The following HS3ST4 variants were observed in gnomAD, a reference collection of about 807,000 sequenced individuals.
The protein encoded by HS3ST4 is heparan sulfate glucosamine 3-O-sulfotransferase 4.
A neutral mutation model predicts 29.2 loss-of-function variants in HS3ST4; 17 were observed. The ratio of observed to expected loss-of-function variants is 0.58; its 90% confidence interval spans 0.40 to 0.87. HS3ST4 has a LOEUF of 0.87. Among genes scored for constraint, HS3ST4 ranks in the 40% least tolerant of loss-of-function variants. HS3ST4 has a pLI of 0.00. For missense variants in HS3ST4, 627 were observed against 634.5 expected (o/e 0.99, Z 0.13); for synonymous variants, 314 against 285.7 (o/e 1.10, Z -1.00).
intron 1 of HS3ST4, among the ~76,000 whole-genome samples, chr16:25,766,945 C>G (rs1313649479): frequency 6.6e-6 from 1 of 152,100 alleles, no homozygotes; most frequent in East Asian, 1.9e-4. Context: ...CCTCCCACTT[C>G]CAAATCCTGC....
intron 1 of HS3ST4, among the ~76,000 whole-genome samples, chr16:25,902,416 A>C: frequency 6.6e-6 from 1 of 152,190 alleles, no homozygotes; most frequent in African/African-American, 2.4e-5. Context: ...GGATTGCTCA[A>C]GGCTGAAGCT....
At chr16:25,864,107 C>G (rs1271756818) in intron 1 of HS3ST4, among the ~76,000 whole-genome samples, 1 of 152,222 alleles carries the variant, frequency 6.6e-6, no homozygotes, top group East Asian at 1.9e-4. Flanking sequence ...AGGGACACCA[C>G]TCAGGCTGGG....
At chr16:25,741,390 A>AAAAAAAAAAAT (rs1596557792) in intron 1 of HS3ST4, among the ~76,000 whole-genome samples, 2 of 144,022 alleles carry the variant, frequency 1.4e-5, no homozygotes, top group South Asian at 2.3e-4. Flanking sequence ...AAAAAAAAAA[A>AAAAAAAAAAAT]GGCGGGGGGA....
intron 1 of HS3ST4, among the ~76,000 whole-genome samples, chr16:26,049,464 G>A (rs923133763): frequency 3.6e-5 from 5 of 137,744 alleles, no homozygotes; most frequent in East Asian, 2.2e-4. Context: ...TGGGGAATGC[G>A]TGCCTCTGTG....
At chr16:26,085,357 C>T (rs991371002) in intron 1 of HS3ST4, among the ~76,000 whole-genome samples, 8 of 152,014 alleles carry the variant, frequency 5.3e-5, no homozygotes, top group Non-Finnish European at 1.2e-4. Flanking sequence ...CATACCAGGC[C>T]CTGTATAGGG....
At chr16:25,919,202 A>G (rs867960331) in intron 1 of HS3ST4, among the ~76,000 whole-genome samples, 1 of 151,280 alleles carries the variant, frequency 6.6e-6, no homozygotes, top group African/African-American at 2.4e-5. Flanking sequence ...TAATTTTAAA[A>G]TTTTTTTTTG....
At chr16:25,749,942 A>G (rs543967811) in intron 1 of HS3ST4, among the ~76,000 whole-genome samples, 3 of 152,352 alleles carry the variant, frequency 2.0e-5, no homozygotes, top group East Asian at 1.9e-4. Context: ...CTGGCTGGCA[A>G]TGTGGTATAA....
intron 1 of HS3ST4, among the ~76,000 whole-genome samples, chr16:25,930,794 C>A (rs575634228): frequency 2.6e-5 from 4 of 152,288 alleles, no homozygotes; most frequent in African/African-American, 9.6e-5. Flanking sequence ...GAGATGACTT[C>A]TTTTCCAATG....
chr16:26,081,536 T>C (rs1046203906), intron 1 of HS3ST4, among the ~76,000 whole-genome samples: 2 of 152,194 alleles, frequency 1.3e-5, no homozygotes, highest in African/African-American at 4.8e-5. Flanking sequence ...CTGTGCAGTC[T>C]GTCCATTGAT....
chr16:25,922,591 A>G (rs1968364866), intron 1 of HS3ST4, among the ~76,000 whole-genome samples: 1 of 152,332 alleles, frequency 6.6e-6, no homozygotes, highest in African/African-American at 2.4e-5. Context: ...TGTTTATTCA[A>G]CAGATATTTG....
In HS3ST4 at chr16:26,136,928, C is replaced by T. The variant is rs1898292016; in HGVS notation, c.*680C>T. The T allele has an allele frequency of 6.5e-6, 1 of 152,874 alleles. No individual in the cohort carries two copies. The highest frequency in any genetic ancestry group is 6.5e-5 in the Admixed American group (1 of 15,322). 9.5% of individuals were successfully genotyped at this position (152,874 alleles called of 1,614,324 possible). The stretch of plus-strand genomic sequence containing the variant: ...AATGAAAGCTGACACACCTCGAAGC[C>T]TTCTTTCCAAGAGCCCTCTAAATGG... On this transcript the variant is annotated 3_prime_UTR_variant, in exon 2 of 2. Coordinates refer to ENST00000331351, the MANE Select transcript of HS3ST4 (RefSeq NM_006040.3).
chr16:25,871,150 AG>A lies in HS3ST4; in HGVS notation c.734+178001del, dbSNP rs1197869614. 3.3e-5 allele frequency among the ~76,000 whole-genome samples: 5 copies of A among 152,192 alleles called. No homozygotes were observed. In the East Asian group the frequency reaches 9.6e-4, roughly 29 times the overall value. On this transcript the variant is annotated intron_variant, in intron 1 of 1. Coordinates refer to ENST00000331351, the MANE Select transcript of HS3ST4 (RefSeq NM_006040.3). ...AGAGTTTTTGGAGGAAAGCCTGTGAAGGAAAAAGGCAGCGGGGTGATGGAGG... is the reference window on the plus strand; with the variant it reads ...AGAGTTTTTGGAGGAAAGCCTGTGAAGAAAAAGGCAGCGGGGTGATGGAGG...
chr16:25,739,122 A>G (rs113556745), intron 1 of HS3ST4, among the ~76,000 whole-genome samples: 5,678 of 152,190 alleles, frequency 0.037, 364 homozygotes, highest in African/African-American at 0.13. Context: ...CGGGCAGATC[A>G]TCTGAGGTCA....
At chr16:25,694,228 G>T (rs1966276935) in intron 1 of HS3ST4, among the ~76,000 whole-genome samples, 1 of 152,224 alleles carries the variant, frequency 6.6e-6, no homozygotes, top group African/African-American at 2.4e-5. Flanking sequence ...GTAAAATCAA[G>T]ATTGTTTCTC....
rs143738408 is a variant in HS3ST4 at position 26,010,938 on chromosome 16, A to G, written c.735-124674A>G. Among the ~76,000 whole-genome samples, 359 of 152,350 alleles carry G rather than the reference A, an allele frequency of 2.4e-3. 1 individual carries two copies. Among genetic ancestry groups the G allele is most frequent in the African/African-American group, 8.3e-3 (346 of 41,574 alleles). On this transcript the variant is annotated intron_variant, in intron 1 of 1. Transcript: ENST00000331351. ...TCAGTTTTCTCTTCTCTAAAATAGG[A>G]ATGACAATAGCTACTCTCTCCTAAG...
chr16:25,731,913 C>T (rs1966572053), intron 1 of HS3ST4, among the ~76,000 whole-genome samples: 1 of 152,180 alleles, frequency 6.6e-6, no homozygotes, highest in Non-Finnish European at 1.5e-5. Flanking sequence ...CTCTTTGCTA[C>T]CCCACAGTGA....
chr16:25,831,396 T>TACACACCC, intron 1 of HS3ST4, among the ~76,000 whole-genome samples: 1 of 126,140 alleles, frequency 7.9e-6, no homozygotes, highest in South Asian at 2.9e-4. Context: ...ACCCCGTCTC[T>TACACACCC]ACACACACAC....
In HS3ST4 at chr16:25,821,247, C is replaced by T. The variant is rs149820178; in HGVS notation, c.734+128096C>T. ...TAATTTTTTGTATTTTTAGTAGAGA[C>T]GGGGTTTCACTGTGTTAGTCAGGAT... On this transcript the variant is annotated intron_variant, in intron 1 of 1. Coordinates refer to ENST00000331351, the MANE Select transcript of HS3ST4 (RefSeq NM_006040.3). 4.1e-3 allele frequency among the ~76,000 whole-genome samples: 623 copies of T among 151,884 alleles called. 16 individuals are homozygous for T. In the East Asian group the frequency reaches 0.095, roughly 23 times the overall value.
intron 1 of HS3ST4, among the ~76,000 whole-genome samples, chr16:26,060,201 C>A (rs1196046797): frequency 6.6e-6 from 1 of 152,184 alleles, no homozygotes; most frequent in African/African-American, 2.4e-5. Flanking sequence ...GACTGGATGA[C>A]TGCTCAAGCT....
Sources: gnomAD v4.1 joint callset for allele counts (sites outside exome capture counted in the v4.1 genomes callset) on GRCh38, gnomAD v4.1.1 for gene constraint, MANE v1.5 for transcripts, NCBI Gene and HGNC (gene_info 2026-07-23, HGNC 2026-07-21) for gene names.